The following DGKE variants were observed in gnomAD, a reference collection of about 807,000 sequenced individuals.
DGKE encodes diacylglycerol kinase epsilon, also known as DAG kinase epsilon.
DGKE carries 53 observed loss-of-function variants against 70.0 expected under a neutral mutation model. That is an observed-to-expected ratio of 0.76 (90% CI 0.61 to 0.95). DGKE has a LOEUF of 0.95. DGKE is among the 40% of genes least tolerant of loss of function. The probability of loss-of-function intolerance (pLI) is 0.00; values close to 1 mark genes in which losing one functional copy is unlikely to be tolerated. For missense variants in DGKE, 655 were observed against 706.9 expected (o/e 0.93, Z 0.83); for synonymous variants, 291 against 257.0 (o/e 1.13, Z -1.27).
At position 56,867,867 on chromosome 17, in the gene DGKE, G is replaced by C. The variant is rs1443871028; in HGVS notation, c.*5076G>C. ...GCGGAGCTTGCAGCGAGCCGAGATAGTGCCACTGCAGTGGGGCCTGGGCCA... is the reference window on the plus strand; with the variant it reads ...GCGGAGCTTGCAGCGAGCCGAGATACTGCCACTGCAGTGGGGCCTGGGCCA... On this transcript the variant is annotated 3_prime_UTR_variant, in exon 12 of 12. Coordinates refer to ENST00000284061, the MANE Select transcript of DGKE (RefSeq NM_003647.3). The C allele has an allele frequency of 6.6e-6, 1 of 151,744 alleles. No homozygotes were observed. Among genetic ancestry groups the C allele is most frequent in the South Asian group, 2.1e-4 (1 of 4,798 alleles). 9.4% of individuals were successfully genotyped at this position (151,744 alleles called of 1,614,324 possible). A position where few individuals can be genotyped will look rare whatever the true frequency, so the allele number is the denominator to read the frequency against.
At chr17:56,848,122 A>G in intron 5 of DGKE, 57 bp downstream of exon 5, 2 of 909,674 alleles carry the variant, frequency 2.2e-6, no homozygotes, top group Non-Finnish European at 2.8e-6. Context: ...TACTATACAT[A>G]TATATATATA....
intron 9 of DGKE, among the ~76,000 whole-genome samples, chr17:56,859,568 C>T (rs1468787081): frequency 6.6e-6 from 1 of 151,490 alleles, no homozygotes; most frequent in Non-Finnish European, 1.5e-5. Context: ...TACAGGCGCC[C>T]ACCACTACGC....
At chr17:56,861,707 T>C in intron 9 of DGKE, 84 bp from the exon 10 acceptor site, 1 of 1,565,526 alleles carries the variant, frequency 6.4e-7, no homozygotes, top group Non-Finnish European at 8.7e-7. Context: ...ATAAGCACAT[T>C]TATGAAAATA....
intron 2 of DGKE, among the ~76,000 whole-genome samples, chr17:56,843,289 G>A (rs1178418168): frequency 1.3e-5 from 2 of 152,144 alleles, no homozygotes; most frequent in Non-Finnish European, 2.9e-5. Context: ...TTAGTGAGGA[G>A]AGTTACATTG....
In DGKE at chr17:56,863,865, G is replaced by A. The variant is rs568437249; in HGVS notation, c.*1074G>A. On this transcript the variant is annotated 3_prime_UTR_variant, in exon 12 of 12. Transcript: ENST00000284061. The stretch of plus-strand genomic sequence containing the variant: ...TACCTGTGTTTAGTGTTTACGTTCT[G>A]TAGCTTTATTTAATAAGTTAAATTG... 2.6e-5 allele frequency: 4 copies of A among 152,274 alleles called. No individual in the cohort carries two copies. Among genetic ancestry groups the A allele is most frequent in the South Asian group, 2.1e-4 (1 of 4,828 alleles). The allele number at this position is 152,274 out of a possible 1,614,324, so 9.4% of individuals were successfully genotyped here. A position where few individuals can be genotyped will look rare whatever the true frequency, so the allele number is the denominator to read the frequency against.
rs118090223 is a variant in DGKE, at chr17:56,850,903, G to C, written c.1098+1671G>C. Among the ~76,000 whole-genome samples, 279 of 152,276 alleles carry C rather than the reference G, an allele frequency of 1.8e-3. 10 individuals carry two copies. The East Asian group carries it at 0.049, about 27-fold the overall frequency. On this transcript the variant is annotated intron_variant, in intron 7 of 11. Transcript: ENST00000284061. ...ATAAATGTGTTATGGGAGAGAACAG[G>C]GTGCAGGTGTGCTTAGTTCTGCCCT...
intron 7 of DGKE, among the ~76,000 whole-genome samples, chr17:56,853,706 CTA>C (rs1426069052): frequency 6.6e-6 from 1 of 152,188 alleles, no homozygotes; most frequent in Non-Finnish European, 1.5e-5. Context: ...TCCTTATACA[CTA>C]TTGGCATTGC....
At chr17:56,835,642 G>T (rs1906566283) in intron 2 of DGKE, 1 of 308,700 alleles carries the variant, frequency 3.2e-6, no homozygotes, top group Non-Finnish European at 5.9e-6. Context: ...CCCTTCAGCC[G>T]CAAAACTGAT....
In DGKE at chr17:56,865,715, C is replaced by CTG. The variant is rs940401618; in HGVS notation, c.*2927_*2928dup. 3 of 151,990 alleles carry CTG rather than the reference C, an allele frequency of 2.0e-5. No homozygotes were observed. The highest frequency in any genetic ancestry group is 7.2e-5 in the African/African-American group (3 of 41,384). The allele number at this position is 151,990 out of a possible 1,614,324, so 9.4% of individuals were successfully genotyped here. ...CATTTGCTTAGAGTTATAAAATATA[C>CTG]TGTGACTCAGAAATTGTAAAGTCAG... On this transcript the variant is annotated 3_prime_UTR_variant, in exon 12 of 12. Coordinates refer to ENST00000284061, the MANE Select transcript of DGKE (RefSeq NM_003647.3).
At chr17:56,844,798 T>C (rs1907187277) in intron 3 of DGKE, among the ~76,000 whole-genome samples, 1 of 152,184 alleles carries the variant, frequency 6.6e-6, no homozygotes, top group Non-Finnish European at 1.5e-5. Flanking sequence ...ATGAAATTGA[T>C]GTAACTTATT....
intron 10 of DGKE, 63 bp from the exon 11 acceptor site, chr17:56,862,077 T>C: frequency 2.5e-6 from 4 of 1,576,516 alleles, no homozygotes; most frequent in Non-Finnish European, 3.5e-6. Context: ...AAAAAGTAAT[T>C]GCTCTAGCAT....
chr17:56,841,401 G>T (rs1906973976), intron 2 of DGKE, among the ~76,000 whole-genome samples: 1 of 152,028 alleles, frequency 6.6e-6, no homozygotes, highest in Middle Eastern at 3.4e-3. Context: ...AAATATGCCA[G>T]AAAAAAGGTT....
chr17:56,853,311 A>G (rs972406743), intron 7 of DGKE, among the ~76,000 whole-genome samples: 1 of 152,018 alleles, frequency 6.6e-6, no homozygotes, highest in African/African-American at 2.4e-5. Context: ...CCTTTTGTCT[A>G]TTTTTACTTT....
intron 11 of DGKE, 93 bp from the exon 12 acceptor site, chr17:56,862,519 A>C: frequency 3.5e-6 from 4 of 1,143,508 alleles, no homozygotes; most frequent in Non-Finnish European, 4.8e-6. Flanking sequence ...TGAAATGCAT[A>C]AGGGTTAAGG....
At position 56,861,916 on chromosome 17, in the gene DGKE, C is replaced by T. The variant is rs1908316811; in HGVS notation, c.1410C>T (p.Ala470=). ...EGMGDETYPL[A]RHDDGLLEVV... is the part of the protein sequence containing the mutation. ...TGGGGGACGAGACTTACCCTCTAGC[C>T]AGGTATGTACATTTGTGGTCTGTTT... The change falls in exon 10 of 12, where the codon GCC becomes GCT. Residue 470 remains alanine, a splice_region_variant and synonymous_variant. Transcript: ENST00000284061. 6.3e-7 allele frequency: 1 copy of T among 1,597,444 alleles called. No homozygotes were observed. The highest frequency in any genetic ancestry group is 8.5e-7 in the Non-Finnish European group (1 of 1,175,512).
chr17:56,867,024 G>C lies in DGKE; in HGVS notation c.*4233G>C, dbSNP rs139478309. The C allele has an allele frequency of 1.3e-4, 20 of 152,238 alleles. No individual in the cohort carries two copies. In the East Asian group the frequency reaches 3.7e-3, roughly 28 times the overall value. The allele number at this position is 152,238 out of a possible 1,614,324, so 9.4% of individuals were successfully genotyped here. A position where few individuals can be genotyped will look rare whatever the true frequency, so the allele number is the denominator to read the frequency against. Reference sequence around the variant, plus strand: ...CTATTTTATTGAATAGTAAAGCAGTGAACTTAGCCTTTGTTCTTTGTGTTT... The same window carrying C: ...CTATTTTATTGAATAGTAAAGCAGTCAACTTAGCCTTTGTTCTTTGTGTTT... On this transcript the variant is annotated 3_prime_UTR_variant, in exon 12 of 12. Transcript: ENST00000284061.
At chr17:56,854,666 A>G (rs1347351930) in intron 7 of DGKE, among the ~76,000 whole-genome samples, 1 of 152,118 alleles carries the variant, frequency 6.6e-6, no homozygotes, top group Non-Finnish European at 1.5e-5. Flanking sequence ...TAAACATTTG[A>G]GGTGATGGAT....
intron 10 of DGKE, 71 bp from the exon 11 acceptor site, chr17:56,862,069 A>T (rs1298108366): frequency 1.3e-6 from 2 of 1,573,330 alleles, no homozygotes; most frequent in Non-Finnish European, 1.7e-6. Context: ...ACTGTGTTAA[A>T]AAGTAATTGC....
At chr17:56,857,393 A>C (rs549299258) in intron 8 of DGKE, among the ~76,000 whole-genome samples, 5 of 152,322 alleles carry the variant, frequency 3.3e-5, no homozygotes, top group African/African-American at 1.2e-4. Context: ...TCTGGTTTCT[A>C]GTATAGTTGA....
Sources: allele counts gnomAD v4.1 joint callset (sites outside exome capture counted in the v4.1 genomes callset), GRCh38; gene constraint gnomAD v4.1.1; transcripts MANE v1.5; gene names NCBI Gene and HGNC (gene_info 2026-07-23, HGNC 2026-07-21).